The following SVEP1 variants were observed in gnomAD, a reference collection of about 807,000 sequenced individuals.
SVEP1 encodes sushi, von Willebrand factor type A, EGF and pentraxin domain-containing protein 1.
In SVEP1, 164 loss-of-function variants were observed where a neutral mutation model predicts 367.3. The ratio of observed to expected loss-of-function variants is 0.45; its 90% CI spans 0.39 to 0.51. SVEP1 has a LOEUF of 0.51. SVEP1 is among the 20% of genes least tolerant of loss of function. The probability of loss-of-function intolerance (pLI) is 0.00; values close to 1 mark genes in which losing one functional copy is unlikely to be tolerated. For missense variants in SVEP1, 4,117 were observed against 4,425.3 expected (o/e 0.93, Z 1.98); for synonymous variants, 1,666 against 1,611.6 (o/e 1.03, Z -0.81).
chr9:110,429,246 G>A lies in SVEP1; in HGVS notation c.5704C>T (p.Pro1902Ser), dbSNP rs760930574. 6.3e-7 allele frequency: 1 copy of A among 1,596,650 alleles called. No individual in the cohort carries two copies. The highest frequency in any genetic ancestry group is 2.3e-5 in the East Asian group (1 of 44,314). ...TTTTCCGGACTAGAACACTTCACTG[G>A]TTCACACACAGGAGGGGAATGACTC... ...SWSHSPPVCE[P>S]VKCSSPENIN... is the part of the protein sequence containing the mutation. Residue 1902 changes from proline (P) to serine (S), a missense_variant, in exon 35 of 48, where the codon CCA (proline) becomes TCA (serine). By Grantham distance (74) the Pro-to-Ser change is moderately conservative. Around this residue, in one of 4 missense-constraint regions of SVEP1, gnomAD observed 2,174 missense variants for 2,494.3 expected, o/e 0.87. Transcript: ENST00000374469.
chr9:110,486,099 C>T (rs1588076491), intron 9 of SVEP1, among the ~76,000 whole-genome samples: 2 of 151,838 alleles, frequency 1.3e-5, no homozygotes, highest in Middle Eastern at 3.4e-3. Flanking sequence ...TGGCCTATAA[C>T]AGGTGCTCAA....
intron 22 of SVEP1, among the ~76,000 whole-genome samples, chr9:110,453,945 G>A (rs1828738357): frequency 6.6e-6 from 1 of 151,092 alleles, no homozygotes; most frequent in Non-Finnish European, 1.5e-5. Flanking sequence ...GTTTTGATTG[G>A]CCTTTTCTGA....
At chr9:110,462,229 T>C (rs1828868486) in intron 18 of SVEP1, among the ~76,000 whole-genome samples, 1 of 151,972 alleles carries the variant, frequency 6.6e-6, no homozygotes, top group South Asian at 2.1e-4. Flanking sequence ...AGGTAAAAAA[T>C]TGTACTAAGA....
At chr9:110,433,505 G>C in intron 30 of SVEP1, among the ~76,000 whole-genome samples, 1 of 120,296 alleles carries the variant, frequency 8.3e-6, no homozygotes, top group East Asian at 2.4e-4. Context: ...GTCTAGTTCT[G>C]TCACCTAAGC....
chr9:110,449,403 T>C (rs1490456357), intron 24 of SVEP1, among the ~76,000 whole-genome samples: 5 of 152,242 alleles, frequency 3.3e-5, no homozygotes, highest in Non-Finnish European at 7.3e-5. Context: ...CACAGTATGA[T>C]TGCAGATTCC....
rs189758457 is a variant in SVEP1 at position 110,572,683 on chromosome 9, G to A, written c.531+6330C>T. Among the ~76,000 whole-genome samples the A allele has an allele frequency of 4.2e-3, 617 of 147,420 alleles. 1 individual carries two copies. Among genetic ancestry groups the A allele is most frequent in the African/African-American group, 4.2e-3 (166 of 39,678 alleles). On this transcript the variant is annotated intron_variant, in intron 1 of 47. Transcript: ENST00000374469. ...TCGAGACCAGCTCGGCCAACATGGCGAAACCTTGTCTCTACTAAAAATACA... is the reference window on the plus strand; with the variant it reads ...TCGAGACCAGCTCGGCCAACATGGCAAAACCTTGTCTCTACTAAAAATACA...
intron 47 of SVEP1, 71 bp from the exon 48 acceptor site, chr9:110,366,631 T>C: frequency 2.1e-6 from 3 of 1,426,292 alleles, no homozygotes; most frequent in African/African-American, 1.5e-5. Flanking sequence ...AACATCTCTT[T>C]AGGAGTTGAT....
Position 110,385,890 on chromosome 9 carries a change from T to C in SVEP1, c.10237+8A>G. Reference sequence around the variant, plus strand: ...GCGGCATGAACTGGCTTCCGCCTGCTGACTTACTTTCACATTTGGCGCTTG... The same window carrying C: ...GCGGCATGAACTGGCTTCCGCCTGCCGACTTACTTTCACATTTGGCGCTTG... On this transcript the variant is annotated splice_region_variant and intron_variant, in intron 43 of 47. Coordinates refer to ENST00000374469, the MANE Select transcript of SVEP1 (RefSeq NM_153366.4). 1 of 1,611,018 alleles carries C rather than the reference T, an allele frequency of 6.2e-7. No homozygotes were observed. The highest frequency in any genetic ancestry group is 1.7e-5 in the Admixed American group (1 of 59,446).
At chr9:110,397,500 C>T (rs1236600972) in intron 40 of SVEP1, among the ~76,000 whole-genome samples, 8 of 151,532 alleles carry the variant, frequency 5.3e-5, no homozygotes, top group Non-Finnish European at 2.9e-5. Context: ...CCAGGGCAAT[C>T]AGGCAGGAGA....
At chr9:110,403,453 C>T (rs909671987) in intron 39 of SVEP1, among the ~76,000 whole-genome samples, 10 of 151,480 alleles carry the variant, frequency 6.6e-5, no homozygotes, top group Non-Finnish European at 1.3e-4. Flanking sequence ...TATAGGCATG[C>T]GCCACTATGC....
chr9:110,437,313 T>C (rs902093005), intron 27 of SVEP1, among the ~76,000 whole-genome samples: 2 of 152,204 alleles, frequency 1.3e-5, no homozygotes, highest in Non-Finnish European at 2.9e-5. Context: ...GGTTCCTAAA[T>C]TCTGGCAACA....
At position 110,408,171 on chromosome 9, in the gene SVEP1, T is replaced by C. The variant is rs938364080; in HGVS notation, c.7429A>G (p.Thr2477Ala). The change falls in exon 38 of 48, where the codon ACC (threonine) becomes GCC (alanine). Residue 2477 changes from threonine to alanine, a missense_variant. This residue lies in a region of SVEP1 where 1,765 missense variants were observed against 1,781.1 expected (regional missense o/e 0.99). Transcript: ENST00000374469. ...TGACCATTTTCTCCACAAAGGGTGG[T>C]AGTATTTCCCACCAATTCAAAGCCT... ...KPGFELVGNT[T>A]TLCGENGHWL... 1 of 1,613,904 alleles carries C rather than the reference T, an allele frequency of 6.2e-7. No individual in the cohort carries two copies. Among genetic ancestry groups the C allele is most frequent in the African/African-American group, 1.3e-5 (1 of 75,032 alleles).
intron 3 of SVEP1, among the ~76,000 whole-genome samples, chr9:110,525,397 C>T (rs1055868914): frequency 2.0e-5 from 3 of 152,102 alleles, no homozygotes; most frequent in Non-Finnish European, 4.4e-5. Context: ...ATGTACAAAA[C>T]TTATATACTA....
chr9:110,391,871 G>A (rs1486393448), intron 40 of SVEP1, among the ~76,000 whole-genome samples: 3 of 151,940 alleles, frequency 2.0e-5, no homozygotes, highest in African/African-American at 7.3e-5. Flanking sequence ...CAATGTGGAG[G>A]GTGGGGGGCA....
intron 19 of SVEP1, 56 bp from the exon 20 acceptor site, chr9:110,458,618 A>G (rs1226842878): frequency 6.7e-7 from 1 of 1,482,224 alleles, no homozygotes; most frequent in Non-Finnish European, 9.2e-7. Context: ...TAAGTGGACT[A>G]TATCTAACAC....
intron 3 of SVEP1, among the ~76,000 whole-genome samples, chr9:110,531,955 C>T (rs982243634): frequency 3.3e-5 from 5 of 152,112 alleles, no homozygotes; most frequent in African/African-American, 1.2e-4. Flanking sequence ...ACTCAGCCTT[C>T]CAGATGGCTT....
chr9:110,489,150 T>A (rs1251990713), intron 9 of SVEP1, among the ~76,000 whole-genome samples: 2 of 151,894 alleles, frequency 1.3e-5, no homozygotes, highest in Non-Finnish European at 2.9e-5. Context: ...AAACAGGGAG[T>A]GCTTTGAGCA....
At chr9:110,540,687 T>C (rs1339551343) in intron 3 of SVEP1, among the ~76,000 whole-genome samples, 1 of 152,162 alleles carries the variant, frequency 6.6e-6, no homozygotes, top group African/African-American at 2.4e-5. Flanking sequence ...AGTTCAAACA[T>C]ATCATATGCT....
chr9:110,568,734 G>C (rs1313926982), intron 1 of SVEP1, among the ~76,000 whole-genome samples: 1 of 152,186 alleles, frequency 6.6e-6, no homozygotes, highest in African/African-American at 2.4e-5. Context: ...AGTTTATATC[G>C]AATAAAATTA....
Sources: gnomAD v4.1 joint callset for allele counts (sites outside exome capture counted in the v4.1 genomes callset) on GRCh38, gnomAD v4.1.1 for gene constraint, gnomAD v4.1.1 regional missense constraint, MANE v1.5 for transcripts, NCBI Gene and HGNC (gene_info 2026-07-23, HGNC 2026-07-21) for gene names.